Variants in GC observed in about 807,000 individuals in gnomAD.
GC encodes vitamin D-binding protein.
Under a neutral mutation model 56.7 loss-of-function variants are expected in GC, and 43 were observed. That is an observed-to-expected ratio of 0.76 (90% CI 0.59 to 0.98). The LOEUF (loss-of-function observed/expected upper bound fraction) is 0.98, where lower values mean the gene tolerates loss of function less well. Among genes scored for constraint, GC ranks in the 50% least tolerant of loss-of-function variants. GC has a pLI of 0.00. For missense variants in GC, 529 were observed against 545.9 expected (o/e 0.97, Z 0.31); for synonymous variants, 216 against 202.7 (o/e 1.07, Z -0.56).
chr4:71,757,887 A>ACAGTGATGT (rs1410540254), intron 7 of GC, among the ~76,000 whole-genome samples, 155 bp downstream of exon 7: 1 of 152,154 alleles, frequency 6.6e-6, no homozygotes, highest in African/African-American at 2.4e-5. Flanking sequence ...TCTCACCTGT[A>ACAGTGATGT]CAGTGATGTT....
chr4:71,781,428 A>G lies in GC; in HGVS notation c.58+2533T>C, dbSNP rs75611675. Among the ~76,000 whole-genome samples, 570 of 151,886 alleles carry G rather than the reference A, an allele frequency of 3.8e-3. 6 individuals carry two copies. The highest frequency in any genetic ancestry group is 0.017 in the Middle Eastern group (5 of 294). ...CTTGAATCGAAAAAAAAGAAAAGAA[A>G]AAAATGCAAAAAAAATATTTTTAGT... On this transcript the variant is annotated intron_variant, in intron 1 of 12. Coordinates refer to ENST00000273951, the MANE Select transcript of GC (RefSeq NM_000583.4).
chr4:71,766,397 G>A (rs755599481), intron 3 of GC, among the ~76,000 whole-genome samples: 3 of 152,090 alleles, frequency 2.0e-5, no homozygotes, highest in Non-Finnish European at 1.5e-5. Context: ...TGATACCTGT[G>A]AGCAGACTAA....
Position 71,770,426 on chromosome 4 carries a change from G to A in GC, c.59-1026C>T, listed in dbSNP as rs142525424. ...CCAGGGGCCCAGAGGAGAGTCTTAA[G>A]GTGCCAGCTGCATATGAGAGATCTC... On this transcript the variant is annotated intron_variant, in intron 1 of 12. Transcript: ENST00000273951. Among the ~76,000 whole-genome samples, 349 of 152,256 alleles carry A rather than the reference G, an allele frequency of 2.3e-3. 1 individual carries two copies. Among genetic ancestry groups the A allele is most frequent in the Middle Eastern group, 6.8e-3 (2 of 294 alleles).
At chr4:71,743,229 C>G (rs1741246340) in intron 12 of GC, among the ~76,000 whole-genome samples, 1 of 152,126 alleles carries the variant, frequency 6.6e-6, no homozygotes, top group Non-Finnish European at 1.5e-5. Flanking sequence ...GCTTCAACTT[C>G]TATGAGTGAG....
intron 12 of GC, among the ~76,000 whole-genome samples, chr4:71,744,565 T>C (rs1741299910): frequency 6.6e-6 from 1 of 151,944 alleles, no homozygotes; most frequent in Admixed American, 6.6e-5. Context: ...GGATATCTTC[T>C]CCTATTTTAA....
intron 10 of GC, 121 bp from the exon 11 acceptor site, chr4:71,752,771 GT>G (rs2149295096): frequency 1.1e-6 from 1 of 881,294 alleles, no homozygotes. Context: ...ATACTTGCCT[GT>G]CTCAAGAAAA....
chr4:71,757,310 T>G (rs1474960698), intron 7 of GC, among the ~76,000 whole-genome samples: 1 of 152,148 alleles, frequency 6.6e-6, no homozygotes, highest in Non-Finnish European at 1.5e-5. Flanking sequence ...AGAGTCCTAT[T>G]TAGCCATTAT....
intron 1 of GC, among the ~76,000 whole-genome samples, chr4:71,802,864 A>G (rs1321578140): frequency 6.6e-6 from 1 of 152,202 alleles, no homozygotes; most frequent in Non-Finnish European, 1.5e-5. Flanking sequence ...TGTGCTTTGG[A>G]CTTAATGATA....
Position 71,754,463 on chromosome 4 carries a change from G to T in GC, c.1210C>A (p.Gln404Lys). ...KELSSFIDKGQELCADYSENT... is the reference protein window; with the variant it reads ...KELSSFIDKGKELCADYSENT... The stretch of plus-strand genomic sequence containing the variant: ...TCTGAATAATCTGCACATAGTTCTT[G>T]TCCCTTGTCAATGAAAGAAGATAGT... The change falls in exon 10 of 13, where the codon CAA (glutamine) becomes AAA (lysine). Residue 404 changes from glutamine (Q) to lysine (K), a missense_variant. Physicochemically the swap from Gln to Lys is moderately conservative, Grantham distance 53. Coordinates refer to ENST00000273951, the MANE Select transcript of GC (RefSeq NM_000583.4). 6.3e-7 allele frequency: 1 copy of T among 1,593,398 alleles called. No individual in the cohort carries two copies. Among genetic ancestry groups the T allele is most frequent in the Non-Finnish European group, 8.6e-7 (1 of 1,162,116 alleles).
chr4:71,762,726 A>G (rs1742021645), intron 6 of GC, among the ~76,000 whole-genome samples: 3 of 152,132 alleles, frequency 2.0e-5, no homozygotes. Context: ...TGATCGTTTT[A>G]AAAACAGGAG....
chr4:71,760,990 C>G (rs1444875081), intron 6 of GC, among the ~76,000 whole-genome samples: 2 of 152,060 alleles, frequency 1.3e-5, no homozygotes, highest in African/African-American at 4.8e-5. Flanking sequence ...TAAATTTGTA[C>G]CAGGAGTGCG....
At chr4:71,764,894 T>A (rs1234091848) in intron 4 of GC, among the ~76,000 whole-genome samples, 1 of 152,190 alleles carries the variant, frequency 6.6e-6, no homozygotes, top group Non-Finnish European at 1.5e-5. Context: ...AAAGATTCAG[T>A]GTATAATCTG....
At chr4:71,747,603 C>T (rs763176870) in intron 11 of GC, among the ~76,000 whole-genome samples, 32 of 152,016 alleles carry the variant, frequency 2.1e-4, no homozygotes, top group Non-Finnish European at 4.3e-4. Context: ...ATATTGTTGG[C>T]GTGCCTTTGT....
chr4:71,779,831 T>C (rs991723401), intron 1 of GC, among the ~76,000 whole-genome samples: 1 of 151,782 alleles, frequency 6.6e-6, no homozygotes, highest in Non-Finnish European at 1.5e-5. Flanking sequence ...GAGAGCTGTA[T>C]GACTTCAGCC....
chr4:71,771,423 C>T (rs929140291), intron 1 of GC, among the ~76,000 whole-genome samples: 2 of 151,922 alleles, frequency 1.3e-5, no homozygotes, highest in Non-Finnish European at 2.9e-5. Flanking sequence ...GCAGTCGCAG[C>T]ATGTACTTTT....
At chr4:71,779,954 T>A (rs1387404646) in intron 1 of GC, among the ~76,000 whole-genome samples, 3 of 151,790 alleles carry the variant, frequency 2.0e-5, no homozygotes, top group African/African-American at 7.2e-5. Flanking sequence ...TAAAAAAAAA[T>A]GCTGTGAATG....
At chr4:71,773,829 T>G (rs932514989) in intron 1 of GC, among the ~76,000 whole-genome samples, 2 of 152,088 alleles carry the variant, frequency 1.3e-5, no homozygotes, top group African/African-American at 4.8e-5. Context: ...TTTCACAATT[T>G]CATTTCTTTG....
chr4:71,770,027 T>C (rs1333903694), intron 1 of GC, among the ~76,000 whole-genome samples: 1 of 152,060 alleles, frequency 6.6e-6, no homozygotes, highest in Non-Finnish European at 1.5e-5. Context: ...TTAGACAAAG[T>C]GTGGTGAGTC....
At chr4:71,794,113 T>A (rs1293646113) in intron 1 of GC, among the ~76,000 whole-genome samples, 1 of 152,192 alleles carries the variant, frequency 6.6e-6, no homozygotes, top group African/African-American at 2.4e-5. Flanking sequence ...TGGTCTAAAA[T>A]TCTCTGTTTC....
Sources: allele counts gnomAD v4.1 joint callset (sites outside exome capture counted in the v4.1 genomes callset), GRCh38; gene constraint gnomAD v4.1.1; transcripts MANE v1.5; gene names NCBI Gene and HGNC (gene_info 2026-07-23, HGNC 2026-07-21).